Variants in CCR5AS observed in about 807,000 individuals in gnomAD.
The protein encoded by CCR5AS is CCR5 antisense RNA.
intron 2 of CCR5AS, among the ~76,000 whole-genome samples, chr3:46,381,890 G>T (rs1407302129): frequency 6.6e-6 from 1 of 152,220 alleles, no homozygotes; most frequent in Non-Finnish European, 1.5e-5. Flanking sequence ...TGGCTCTCAG[G>T]ATCTAAAAGG....
intron 2 of CCR5AS, among the ~76,000 whole-genome samples, chr3:46,378,017 T>C (rs1401367056): frequency 6.6e-6 from 1 of 152,218 alleles, no homozygotes; most frequent in African/African-American, 2.4e-5. Context: ...CAACAAATCA[T>C]GAACTTTCTA....
chr3:46,373,736 T>C, intron 2 of CCR5AS: 1 of 1,614,028 alleles, frequency 6.2e-7, no homozygotes, highest in Non-Finnish European at 8.5e-7. Flanking sequence ...TGGACCAAGC[T>C]ATGCAGGTGA....
chr3:46,392,401 G>A (rs1018436347), intron 2 of CCR5AS, among the ~76,000 whole-genome samples: 23 of 152,330 alleles, frequency 1.5e-4, no homozygotes, highest in African/African-American at 5.1e-4. Context: ...GAGAAGAAGG[G>A]GGAATGAAGC....
At chr3:46,404,113 A>T (rs1389438847) in intron 1 of CCR5AS, among the ~76,000 whole-genome samples, 1 of 152,138 alleles carries the variant, frequency 6.6e-6, no homozygotes, top group Non-Finnish European at 1.5e-5. Flanking sequence ...TTTTTTATTG[A>T]GGGTCAATAT....
At chr3:46,369,080 G>A (rs1351279247) in intron 3 of CCR5AS, among the ~76,000 whole-genome samples, 1 of 152,152 alleles carries the variant, frequency 6.6e-6, no homozygotes, top group Non-Finnish European at 1.5e-5. Context: ...TCTTTCAAAA[G>A]CACACTTTAT....
intron 2 of CCR5AS, chr3:46,374,771 GTT>G (rs1329344896): frequency 6.0e-6 from 1 of 167,452 alleles, no homozygotes; most frequent in Non-Finnish European, 1.5e-5. Flanking sequence ...GTTGCAGAAG[GTT>G]TACTCTGTGG....
intron 2 of CCR5AS, among the ~76,000 whole-genome samples, chr3:46,387,586 A>C (rs1048016840): frequency 2.0e-4 from 31 of 152,236 alleles, no homozygotes; most frequent in African/African-American, 6.7e-4. Flanking sequence ...CCGTCTCTAC[A>C]AAAAATACAA....
chr3:46,394,228 C>T (rs969834289), intron 1 of CCR5AS, among the ~76,000 whole-genome samples: 4 of 152,090 alleles, frequency 2.6e-5, no homozygotes, highest in African/African-American at 9.7e-5. Context: ...CAGGACAATC[C>T]CCAGCAACAA....
At chr3:46,403,368 A>G (rs1476814105) in intron 1 of CCR5AS, among the ~76,000 whole-genome samples, 1 of 152,252 alleles carries the variant, frequency 6.6e-6, no homozygotes, top group Admixed American at 6.5e-5. Flanking sequence ...TCCCTGAACT[A>G]AATTTAATGT....
chr3:46,406,160 G>A (rs144074933), intron 1 of CCR5AS, among the ~76,000 whole-genome samples: 82 of 152,238 alleles, frequency 5.4e-4, no homozygotes, highest in African/African-American at 5.1e-4. Flanking sequence ...GTAGGAATGC[G>A]CCTCAGTGCC....
intron 2 of CCR5AS, chr3:46,373,026 A>G: frequency 1.2e-6 from 2 of 1,614,132 alleles, no homozygotes; most frequent in Non-Finnish European, 1.7e-6. Context: ...ACTGGTGTTC[A>G]TCTTTGGTTT....
intron 2 of CCR5AS, chr3:46,373,471 G>A (rs1701700380): frequency 7.6e-7 from 1 of 1,316,208 alleles, no homozygotes; most frequent in East Asian, 2.2e-5. Context: ...TATCAATTCT[G>A]GAAGAATTTC....
chr3:46,386,542 C>A (rs559062282), intron 2 of CCR5AS, among the ~76,000 whole-genome samples: 1 of 152,156 alleles, frequency 6.6e-6, no homozygotes, highest in Non-Finnish European at 1.5e-5. Flanking sequence ...GGGTAGACAG[C>A]CAGCCAAATC....
chr3:46,398,837 T>C (rs920548429), intron 1 of CCR5AS, among the ~76,000 whole-genome samples: 1 of 152,222 alleles, frequency 6.6e-6, no homozygotes, highest in African/African-American at 2.4e-5. Flanking sequence ...TAGACAATTC[T>C]CAGGATTTCT....
chr3:46,381,392 C>A (rs1701815629), intron 2 of CCR5AS, among the ~76,000 whole-genome samples: 1 of 152,144 alleles, frequency 6.6e-6, no homozygotes, highest in African/African-American at 2.4e-5. Context: ...GATAATTCTG[C>A]AGAGAATTAG....
At chr3:46,364,781 G>A (rs1181834674) in exon 4 of CCR5AS, among the ~76,000 whole-genome samples, 3 of 152,144 alleles carry the variant, frequency 2.0e-5, no homozygotes, top group Non-Finnish European at 4.4e-5. Context: ...TTCATGGGAG[G>A]AGGTCAAAAT....
chr3:46,384,855 TGATAGA>T (rs1194538037), intron 2 of CCR5AS, among the ~76,000 whole-genome samples: 2 of 144,030 alleles, frequency 1.4e-5, no homozygotes, highest in Non-Finnish European at 3.0e-5. Flanking sequence ...GGTACATAGA[TGATAGA>T]TAGATAGATA....
chr3:46,384,168 C>T (rs773994922), intron 2 of CCR5AS, among the ~76,000 whole-genome samples: 3 of 152,290 alleles, frequency 2.0e-5, no homozygotes, highest in South Asian at 2.1e-4. Context: ...ATTTTATAGA[C>T]GAGCTTGAGG....
intron 1 of CCR5AS, among the ~76,000 whole-genome samples, chr3:46,400,506 A>T (rs1006766271): frequency 2.0e-5 from 3 of 152,226 alleles, no homozygotes; most frequent in African/African-American, 7.2e-5. Flanking sequence ...TTACACAAAG[A>T]ATAAATGGAG....
Sources: gnomAD v4.1 joint callset for allele counts (sites outside exome capture counted in the v4.1 genomes callset) on GRCh38, gnomAD v4.1.1 for gene constraint, MANE v1.5 for transcripts, NCBI Gene and HGNC (gene_info 2026-07-23, HGNC 2026-07-21) for gene names.